The following MAU2 variants were observed in gnomAD, a reference collection of about 807,000 sequenced individuals.
MAU2 encodes the protein MAU2 sister chromatid cohesion factor.
MAU2 carries 9 observed loss-of-function variants against 89.1 expected under a neutral mutation model. The ratio of observed to expected loss-of-function variants is 0.10; its 90% CI spans 0.06 to 0.18. The LOEUF (loss-of-function observed/expected upper bound fraction) is 0.18. MAU2 is among the 10% of genes least tolerant of loss of function. The pLI is 1.00. For missense variants in MAU2, 425 were observed against 803.5 expected, an observed-to-expected ratio of 0.53 and a Z score of 5.69; for synonymous variants, 357 against 343.4, an observed-to-expected ratio of 1.04 and a Z score of -0.44.
At chr19:19,326,691 A>ATATATATATGTATATATATATATATATAC (rs1555792830) in intron 1 of MAU2, among the ~76,000 whole-genome samples, 1 of 109,448 alleles carries the variant, frequency 9.1e-6, no homozygotes, top group Non-Finnish European at 1.9e-5. Flanking sequence ...CTCAAAAAAA[A>ATATATATATGTATATATATATATATATAC]ATATATATAT....
chr19:19,343,735 G>A, intron 9 of MAU2, 102 bp from the exon 10 acceptor site: 1 of 813,062 alleles, frequency 1.2e-6, no homozygotes, highest in Non-Finnish European at 2.1e-6. Flanking sequence ...TGGGTGCCTA[G>A]CCAGTGTGGC....
chr19:19,348,591 A>G, intron 13 of MAU2: 1 of 547,442 alleles, frequency 1.8e-6, no homozygotes, highest in Non-Finnish European at 3.3e-6. Flanking sequence ...CTGCCAACCT[A>G]CCCACTGCCA....
In MAU2 at chr19:19,326,232, A is replaced by G. The variant is rs113380655; in HGVS notation, c.276+5097A>G. 2.5e-3 allele frequency among the ~76,000 whole-genome samples: 382 copies of G among 152,094 alleles called. 4 individuals carry two copies. Among genetic ancestry groups the G allele is most frequent in the African/African-American group, 8.8e-3 (366 of 41,464 alleles). ...CTTACTCGTCTACTTCATCAAGTCA[A>G]CTAACTTTGAAAGAATCATCCATTA... is the stretch of plus-strand genomic sequence containing the variant. On this transcript the variant is annotated intron_variant, in intron 1 of 18. Transcript: ENST00000262815.
chr19:19,335,481 T>A (rs1165581437), intron 1 of MAU2, among the ~76,000 whole-genome samples: 1 of 152,128 alleles, frequency 6.6e-6, no homozygotes, highest in East Asian at 1.9e-4. Flanking sequence ...TCCTCTGATG[T>A]CAGAAGGGCA....
intron 1 of MAU2, among the ~76,000 whole-genome samples, chr19:19,323,233 T>TCACCA (rs58833986): frequency 0.23 from 34,493 of 150,864 alleles, 4,404 homozygotes; most frequent in South Asian, 0.35. Context: ...TCTCGCTTTG[T>TCACCA]CACCAGGCTG....
At chr19:19,331,604 T>C (rs1415380020) in intron 1 of MAU2, among the ~76,000 whole-genome samples, 1 of 152,042 alleles carries the variant, frequency 6.6e-6, no homozygotes, top group Non-Finnish European at 1.5e-5. Flanking sequence ...AAATATATGC[T>C]ACAAGTCATA....
intron 1 of MAU2, among the ~76,000 whole-genome samples, chr19:19,333,724 G>A (rs1004756964): frequency 3.9e-5 from 6 of 152,252 alleles, no homozygotes; most frequent in Non-Finnish European, 7.3e-5. Context: ...CCAAAGGGAG[G>A]AGGGGGAATT....
intron 7 of MAU2, 125 bp downstream of exon 7, chr19:19,341,532 G>A: frequency 8.7e-7 from 1 of 1,144,246 alleles, no homozygotes; most frequent in Non-Finnish European, 1.2e-6. Flanking sequence ...CAACAGGGCT[G>A]TCATACCAGT....
intron 6 of MAU2, 124 bp from the exon 7 acceptor site, chr19:19,341,128 C>G (rs2061641777): frequency 8.2e-7 from 1 of 1,212,448 alleles, no homozygotes; most frequent in South Asian, 1.5e-5. Flanking sequence ...GGGTTTCAGG[C>G]TGGCCTTGCC....
intron 13 of MAU2, chr19:19,347,605 A>G: frequency 4.2e-6 from 2 of 481,466 alleles, no homozygotes; most frequent in Non-Finnish European, 7.5e-6. Flanking sequence ...TCTCTTTATC[A>G]CAAACAAACC....
At chr19:19,347,225 C>T in intron 12 of MAU2, 55 bp from the exon 13 acceptor site, 2 of 1,095,138 alleles carry the variant, frequency 1.8e-6, no homozygotes, top group East Asian at 4.7e-5. Flanking sequence ...CTGACACTGC[C>T]ACATGGGTCA....
rs1253624234 is a variant in MAU2 at position 19,355,692 on chromosome 19, C to T, written c.1768-16C>T. The T allele has an allele frequency of 6.2e-7, 1 of 1,602,778 alleles. No homozygotes were observed. The highest frequency in any genetic ancestry group is 1.7e-5 in the Admixed American group (1 of 59,636). ...GGTCCACAGTGCCTCACTCGCATGT[C>T]CTCTCCTCCCCACAGTGGACAGACG... On this transcript the variant is annotated splice_polypyrimidine_tract_variant and intron_variant, in intron 18 of 18. Coordinates refer to ENST00000262815, the MANE Select transcript of MAU2 (RefSeq NM_015329.4).
At chr19:19,324,505 G>A in intron 1 of MAU2, among the ~76,000 whole-genome samples, 1 of 152,156 alleles carries the variant, frequency 6.6e-6, no homozygotes, top group South Asian at 2.1e-4. Context: ...GCCTTCCCTT[G>A]TCTCCCAGGG....
At chr19:19,325,634 C>T (rs1471347552) in intron 1 of MAU2, among the ~76,000 whole-genome samples, 1 of 152,154 alleles carries the variant, frequency 6.6e-6, no homozygotes, top group Admixed American at 6.5e-5. Context: ...CATGTGCCAC[C>T]ATGCCCAGCT....
Position 19,358,154 on chromosome 19 carries a change from G to A in MAU2, c.*2372G>A, listed in dbSNP as rs1242774938. 1 of 151,904 alleles carries A rather than the reference G, an allele frequency of 6.6e-6. No individual in the cohort carries two copies. The highest frequency in any genetic ancestry group is 2.4e-5 in the African/African-American group (1 of 41,354). 9.4% of individuals were successfully genotyped at this position (151,904 alleles called of 1,614,324 possible). On this transcript the variant is annotated 3_prime_UTR_variant, in exon 19 of 19. Transcript: ENST00000262815. ...ACATCACACAGTGTCCTGTAGCTAA[G>A]TGTCTAGGAAAAAACAAAAACTCCA...
At chr19:19,330,570 G>A (rs1009205474) in intron 1 of MAU2, among the ~76,000 whole-genome samples, 7 of 152,082 alleles carry the variant, frequency 4.6e-5, no homozygotes, top group East Asian at 1.9e-4. Flanking sequence ...GAGAAACCCC[G>A]TCTCTACTGA....
intron 18 of MAU2, 56 bp from the exon 19 acceptor site, chr19:19,355,652 T>C: frequency 6.8e-7 from 1 of 1,481,028 alleles, no homozygotes; most frequent in South Asian, 1.2e-5. Context: ...TTCCAACCTC[T>C]TCTTCCCTGG....
At chr19:19,347,765 CACTG>C (rs1215763419) in intron 13 of MAU2, 2 of 165,940 alleles carry the variant, frequency 1.2e-5, no homozygotes, top group Admixed American at 6.2e-5. Context: ...CAGGGGCACT[CACTG>C]GCTGCAGTGT....
At chr19:19,344,729 AC>A in intron 10 of MAU2, 119 bp from the exon 11 acceptor site, 1 of 742,294 alleles carries the variant, frequency 1.3e-6, no homozygotes. Flanking sequence ...GGGGCTTTGT[AC>A]CCCAGTTTGG....
Sources: gnomAD v4.1 joint callset for allele counts (sites outside exome capture counted in the v4.1 genomes callset) on GRCh38, gnomAD v4.1.1 for gene constraint, MANE v1.5 for transcripts, NCBI Gene and HGNC (gene_info 2026-07-23, HGNC 2026-07-21) for gene names.